Variants in SELP observed in about 807,000 individuals in gnomAD.
SELP encodes selectin P, also known as P-selectin.
In SELP, 92 loss-of-function variants were observed where a neutral mutation model predicts 104.1. The observed-to-expected ratio is 0.88, with a 90% CI of 0.75 to 1.05. The LOEUF (loss-of-function observed/expected upper bound fraction) is 1.05, where lower values mean the gene tolerates loss of function less well. Among genes scored for constraint, SELP ranks in the 50% least tolerant of loss-of-function variants. SELP has a pLI of 0.00. For synonymous variants in SELP, 397 were observed against 364.5 expected, an observed-to-expected ratio of 1.09 and a Z score of -1.01; for missense variants, 1,022 against 1,017.3, an observed-to-expected ratio of 1.00 and a Z score of -0.06.
chr1:169,614,721 C>T (rs1055832615), intron 3 of SELP, among the ~76,000 whole-genome samples: 1 of 152,150 alleles, frequency 6.6e-6, no homozygotes, highest in Non-Finnish European at 1.5e-5. Flanking sequence ...TACTAAAATT[C>T]TATAAACCAT....
intron 1 of SELP, among the ~76,000 whole-genome samples, chr1:169,627,758 C>G (rs916738481): frequency 6.6e-6 from 1 of 152,030 alleles, no homozygotes; most frequent in African/African-American, 2.4e-5. Flanking sequence ...GGTGGCTAGC[C>G]CAGGAGAGTC....
chr1:169,613,101 T>C lies in SELP; in HGVS notation c.603A>G (p.Gly201=). 6.2e-7 allele frequency: 1 copy of C among 1,602,152 alleles called. No homozygotes were observed. The highest frequency in any genetic ancestry group is 8.5e-7 in the Non-Finnish European group (1 of 1,173,020). Residue 201 remains glycine (G), a synonymous_variant, in exon 5 of 17, where the codon GGA becomes GGG. Transcript: ENST00000263686. ...GCACGTGTTGAGGGAGCTCAAGTTC[T>C]CCACACTCTCTCACTGCAGGAGACA... ...GPECEYVREC[G]ELELPQHVLM...
intron 13 of SELP, 124 bp downstream of exon 13, chr1:169,594,568 T>C (rs1299464754): frequency 2.3e-6 from 2 of 876,306 alleles, no homozygotes; most frequent in Non-Finnish European, 3.5e-6. Flanking sequence ...TGTGAAACAC[T>C]TATTAAGCAG....
At chr1:169,609,145 A>G (rs1184307120) in intron 8 of SELP, among the ~76,000 whole-genome samples, 1 of 152,126 alleles carries the variant, frequency 6.6e-6, no homozygotes, top group Non-Finnish European at 1.5e-5. Context: ...AGTCTAAACC[A>G]CTAGCTTAAG....
At chr1:169,598,156 T>C (rs1190471588) in intron 10 of SELP, among the ~76,000 whole-genome samples, 1 of 152,246 alleles carries the variant, frequency 6.6e-6, no homozygotes, top group Non-Finnish European at 1.5e-5. Context: ...CCCCCAAAAG[T>C]ATTTTTACAA....
chr1:169,604,358 G>A (rs1204763600), intron 9 of SELP, among the ~76,000 whole-genome samples: 1 of 152,070 alleles, frequency 6.6e-6, no homozygotes, highest in Admixed American at 6.5e-5. Context: ...TTAGCCCTTT[G>A]TCAGATGAGT....
chr1:169,597,143 T>C lies in SELP; in HGVS notation c.1739A>G (p.Gln580Arg), dbSNP rs775644444. The C allele has an allele frequency of 5.6e-6, 9 of 1,607,248 alleles. No homozygotes were observed. In the Admixed American group the frequency reaches 6.7e-5, roughly 12 times the overall value. ...IKCPELFAPE[Q>R]GSLDCSDTRG... ...AGTGTCAGAACAATCCAGGCTGCCC[T>C]GCTCTGGGGCAAAGAGTTCTGGGCA... The change falls in exon 11 of 17, where the codon CAG becomes CGG. Residue 580 changes from glutamine (Q) to arginine (R), a missense_variant. Coordinates refer to ENST00000263686, the MANE Select transcript of SELP (RefSeq NM_003005.4).
At chr1:169,620,935 G>A (rs1663078652) in intron 1 of SELP, among the ~76,000 whole-genome samples, 1 of 145,422 alleles carries the variant, frequency 6.9e-6, no homozygotes, top group Non-Finnish European at 1.5e-5. Context: ...GGGTGCATGG[G>A]ACAGTGTGGG....
At position 169,605,023 on chromosome 1, in the gene SELP, A is replaced by G. The variant is rs3917763; in HGVS notation, c.1520-1812T>C. ...GAAAGTTCAGAGTAAATAAAGAACT[A>G]AAAGCAGAAGGGAACTGGAAGGTCA... On this transcript the variant is annotated intron_variant, in intron 9 of 16. Transcript: ENST00000263686. Among the ~76,000 whole-genome samples the G allele has an allele frequency of 7.0e-3, 1,068 of 152,334 alleles. 17 individuals carry two copies. Among genetic ancestry groups the G allele is most frequent in the African/African-American group, 0.025 (1,029 of 41,566 alleles).
chr1:169,620,139 C>T (rs1395077835), intron 1 of SELP, among the ~76,000 whole-genome samples: 1 of 151,984 alleles, frequency 6.6e-6, no homozygotes, highest in South Asian at 2.1e-4. Flanking sequence ...ACCCGGGAGG[C>T]GGAGGTTGCA....
At chr1:169,619,260 C>T (rs1662974692) in intron 1 of SELP, 41 bp from the exon 2 acceptor site, 1 of 1,419,556 alleles carries the variant, frequency 7.0e-7, no homozygotes, top group Non-Finnish European at 9.9e-7. Context: ...TATCCATACA[C>T]CACCAACATG....
In SELP at chr1:169,617,412, G is replaced by C. The variant is rs1662876477; in HGVS notation, c.97C>G (p.Leu33Val). ...GCTGCCACTTCTTTCTGGTTTGTTA[G>C]TTCTAGAGTAAAGGAGAGTGAGTGC... The part of the protein sequence containing the change: ...LLCFSALISE[L>V]TNQKEVAAWT... The change falls in exon 3 of 17, where the codon CTA becomes GTA. Residue 33 changes from leucine to valine, a missense_variant and splice_region_variant. Leu to Val is a conservative substitution (Grantham distance 32). Transcript: ENST00000263686. 2.5e-6 allele frequency: 4 copies of C among 1,613,418 alleles called. No homozygotes were observed. Among genetic ancestry groups the C allele is most frequent in the Non-Finnish European group, 3.4e-6 (4 of 1,179,552 alleles).
At chr1:169,617,861 A>G (rs749276426) in intron 2 of SELP, among the ~76,000 whole-genome samples, 31 of 152,328 alleles carry the variant, frequency 2.0e-4, no homozygotes, top group South Asian at 1.7e-3. Context: ...GTCCAGCCTC[A>G]TTGCCCACTG....
intron 2 of SELP, 75 bp from the exon 3 acceptor site, chr1:169,617,489 G>T: frequency 6.9e-7 from 1 of 1,445,290 alleles, no homozygotes; most frequent in Admixed American, 2.1e-5. Flanking sequence ...GTATGCTTCT[G>T]CATACTCAGA....
rs3035296 is a variant in SELP, at chr1:169,603,307, CTGTGTGTGTGTG to C, written c.1520-108_1520-97del. The C allele has an allele frequency of 5.1e-3, 3,063 of 603,474 alleles. 105 individuals are homozygous for C. The highest frequency in any genetic ancestry group is 0.024 in the African/African-American group (1,092 of 45,770). The allele number at this position is 603,474 out of a possible 1,614,324, so 37.4% of individuals were successfully genotyped here. ...TCTCTCTCTTTCTCCCTCTCTCTCT[CTGTGTGTGTGTG>C]TGTGTGTGTGTGTGTGTGTGTGTGT... On this transcript the variant is annotated intron_variant, in intron 9 of 16. Coordinates refer to ENST00000263686, the MANE Select transcript of SELP (RefSeq NM_003005.4).
At chr1:169,592,623 C>T (rs1296902040) in intron 14 of SELP, among the ~76,000 whole-genome samples, 2 of 152,132 alleles carry the variant, frequency 1.3e-5, no homozygotes, top group Admixed American at 1.3e-4. Context: ...ATGGGATGTT[C>T]CCATCTTTAA....
Position 169,612,241 on chromosome 1 carries a change from T to G in SELP, c.937A>C (p.Thr313Pro), listed in dbSNP as rs1421512983. 6.2e-7 allele frequency: 1 copy of G among 1,614,028 alleles called. No individual in the cohort carries two copies. Among genetic ancestry groups the G allele is most frequent in the East Asian group, 2.2e-5 (1 of 44,874 alleles). ...VVQCTASGVW[T>P]APAPVCKAVQ... ...CCTTTACACACTGGGGCTGGGGCTG[T>G]CCATACCCCCGAGGCTGTGCATTGC... The change falls in exon 6 of 17, where the codon ACA (threonine) becomes CCA (proline). Residue 313 changes from threonine (T) to proline (P), a missense_variant. Thr to Pro is a conservative substitution (Grantham distance 38). Coordinates refer to ENST00000263686, the MANE Select transcript of SELP (RefSeq NM_003005.4).
At chr1:169,628,529 T>C (rs1392869021) in intron 1 of SELP, among the ~76,000 whole-genome samples, 1 of 152,206 alleles carries the variant, frequency 6.6e-6, no homozygotes, top group African/African-American at 2.4e-5. Context: ...GAGAGGGGCT[T>C]CTGAACATAA....
intron 1 of SELP, among the ~76,000 whole-genome samples, chr1:169,620,438 C>T (rs1663042251): frequency 6.7e-6 from 1 of 148,236 alleles, no homozygotes; most frequent in African/African-American, 2.5e-5. Context: ...TCCCATGCTG[C>T]ATTGCTGTTT....
Sources: allele counts gnomAD v4.1 joint callset (sites outside exome capture counted in the v4.1 genomes callset), GRCh38; gene constraint gnomAD v4.1.1; transcripts MANE v1.5; gene names NCBI Gene and HGNC (gene_info 2026-07-23, HGNC 2026-07-21).